OPLAH: variants seen among roughly 807,000 people sequenced by gnomAD.
OPLAH encodes the protein 5-oxoprolinase.
In OPLAH, 103 loss-of-function variants were observed where a neutral mutation model predicts 122.8. The ratio of observed to expected loss-of-function variants is 0.84; its 90% confidence interval spans 0.71 to 0.99. The LOEUF (loss-of-function observed/expected upper bound fraction) is 0.99. Among genes scored for constraint, OPLAH ranks in the 50% least tolerant of loss-of-function variants. The probability of loss-of-function intolerance (pLI) is 0.00; values close to 1 mark genes in which losing one functional copy is unlikely to be tolerated. For missense variants in OPLAH, 1,902 were observed against 1,836.5 expected (o/e 1.04, Z -0.65); for synonymous variants, 875 against 796.0 (o/e 1.10, Z -1.67).
At chr8:144,062,923 C>G (rs1835687116), upstream of OPLAH, among the ~76,000 whole-genome samples, 1 of 151,788 alleles carries the variant, frequency 6.6e-6, no homozygotes, top group African/African-American at 2.4e-5. Flanking sequence ...CTCTCCTGAC[C>G]CCACTCCACT....
At position 144,056,765 on chromosome 8, in the gene OPLAH, G is replaced by C; in HGVS notation, c.1707-10C>G. The C allele has an allele frequency of 1.3e-6, 2 of 1,597,544 alleles. No individual in the cohort carries two copies. Among genetic ancestry groups the C allele is most frequent in the Non-Finnish European group, 1.7e-6 (2 of 1,170,842 alleles). On this transcript the variant is annotated splice_polypyrimidine_tract_variant and intron_variant, in intron 12 of 26. Transcript: ENST00000618853. ...AGTGCTGATCTGGGACCTGCAGCAGGTGGTTGGGGGCACTCACACCAAACC... is the reference window on the plus strand; with the variant it reads ...AGTGCTGATCTGGGACCTGCAGCAGCTGGTTGGGGGCACTCACACCAAACC...
At position 144,054,655 on chromosome 8, in the gene OPLAH, T is replaced by C. The variant is rs1391240581; in HGVS notation, c.2592A>G (p.Pro864=). ...TGGTGGAGTGGGGGGGCATGGAGCC[T>C]GGTGTGATGCCCCCGATGTCTGCGT... ...GHHADIGGIT[P]GSMPPHSTML... is the part of the protein sequence containing the mutation. Residue 864 remains proline (P), a synonymous_variant, in exon 19 of 27, where the codon CCA becomes CCG. Transcript: ENST00000618853. The C allele has an allele frequency of 6.2e-7, 1 of 1,612,338 alleles. No homozygotes were observed. The highest frequency in any genetic ancestry group is 8.5e-7 in the Non-Finnish European group (1 of 1,179,644).
rs782765046 is a variant in OPLAH, at chr8:144,051,290, A to C, written c.*36T>G. ...CTAGGCGCCGTAGCTGCGTCCCCAG[A>C]ACCGGGAGACTTAAGGCATCTTTAT... is the stretch of plus-strand genomic sequence containing the variant. On this transcript the variant is annotated 3_prime_UTR_variant, in exon 27 of 27. Coordinates refer to ENST00000618853, the MANE Select transcript of OPLAH (RefSeq NM_017570.5). The C allele has an allele frequency of 7.5e-6, 12 of 1,608,430 alleles. No individual in the cohort carries two copies. The highest frequency in any genetic ancestry group is 1.0e-5 in the Non-Finnish European group (12 of 1,178,206).
chr8:144,058,857 T>C lies in OPLAH; in HGVS notation c.503A>G (p.Asp168Gly), dbSNP rs1835597991. The part of the protein sequence containing the change: ...GDLLEVQQPV[D>G]LGALRGKLEG... ...CAGCTTCCCACGCAGGGCCCCCAGG[T>C]CCACAGGCTGCTGCACTTCCAGCAG... is the stretch of plus-strand genomic sequence containing the variant. The change falls in exon 5 of 27, where the codon GAC becomes GGC. Residue 168 changes from aspartate to glycine, a missense_variant. Physicochemically the swap from Asp to Gly is moderately conservative, Grantham distance 94. Coordinates refer to ENST00000618853, the MANE Select transcript of OPLAH (RefSeq NM_017570.5). The C allele has an allele frequency of 1.3e-6, 2 of 1,569,248 alleles. No homozygotes were observed. Among genetic ancestry groups the C allele is most frequent in the South Asian group, 1.2e-5 (1 of 85,882 alleles).
rs782049008 is a variant in OPLAH, at chr8:144,058,235, A to ATACC, written c.949_949+3dup. 2.9e-5 allele frequency: 47 copies of ATACC among 1,606,302 alleles called. No homozygotes were observed. The highest frequency in any genetic ancestry group is 2.2e-5 in the Non-Finnish European group (26 of 1,175,496). On this transcript the variant is annotated splice_donor_region_variant and intron_variant, in intron 7 of 26. Transcript: ENST00000618853. ...CCCGAGACCCCAGCCCTCGGCCCTC[A>ATACC]TACCTCCCATGTCAAAGCCGATGAC...
In OPLAH at chr8:144,052,886, A is replaced by G; in HGVS notation, c.3033T>C (p.Phe1011=). ...CCTCCGGCCCAGTGCCGCTGAAGTC[A>G]AACACGGCGCTGCCCTGCGCGCCCC... The part of the protein sequence containing the change: ...QISLSQGSAV[F]DFSGTGPEVF... Residue 1011 remains phenylalanine, a synonymous_variant, in exon 22 of 27, where the codon TTT becomes TTC. Coordinates refer to ENST00000618853, the MANE Select transcript of OPLAH (RefSeq NM_017570.5). 1 of 1,556,292 alleles carries G rather than the reference A, an allele frequency of 6.4e-7. No individual in the cohort carries two copies. Among genetic ancestry groups the G allele is most frequent in the Middle Eastern group, 1.7e-4 (1 of 5,998 alleles).
downstream of OPLAH, chr8:144,050,593 G>C (rs942915427): frequency 8.3e-5 from 82 of 985,692 alleles, no homozygotes; most frequent in African/African-American, 1.3e-3. Flanking sequence ...GATCCCTGCC[G>C]GCTGGGCACG....
In OPLAH at chr8:144,058,550, G is replaced by A. The variant is rs782771861; in HGVS notation, c.729C>T (p.Pro243=). The A allele has an allele frequency of 2.0e-5, 32 of 1,599,674 alleles. No homozygotes were observed. Among genetic ancestry groups the A allele is most frequent in the Middle Eastern group, 1.6e-4 (1 of 6,064 alleles). The part of the protein sequence containing the change: ...HTACADAYLT[P]AIQRYVQGFC... ...AGCCCTGCACGTAGCGCTGGATGGCGGGCGTGAGGTAGGCGTCGGCACAGG... is the reference window on the plus strand; with the variant it reads ...AGCCCTGCACGTAGCGCTGGATGGCAGGCGTGAGGTAGGCGTCGGCACAGG... The change falls in exon 6 of 27, where the codon CCC becomes CCT. Residue 243 remains proline (P), a synonymous_variant. Coordinates refer to ENST00000618853, the MANE Select transcript of OPLAH (RefSeq NM_017570.5).
At position 144,056,544 on chromosome 8, in the gene OPLAH, C is replaced by A. The variant is rs368637328; in HGVS notation, c.1845-21G>T. Reference sequence around the variant, plus strand: ...TGTACCTGCACTCCCCGCGGGGACCCAAGGAGTGGTCAGAGTGAGGCGGCC... The same window carrying A: ...TGTACCTGCACTCCCCGCGGGGACCAAAGGAGTGGTCAGAGTGAGGCGGCC... On this transcript the variant is annotated intron_variant, in intron 13 of 26. Transcript: ENST00000618853. 14 of 1,612,084 alleles carry A rather than the reference C, an allele frequency of 8.7e-6. No individual in the cohort carries two copies. In the African/African-American group the frequency reaches 1.5e-4, roughly 17 times the overall value.
downstream of OPLAH, chr8:144,051,187 G>C (rs1306303225): frequency 6.2e-6 from 9 of 1,445,186 alleles, no homozygotes; most frequent in Non-Finnish European, 7.3e-6. Context: ...CTGCAGCTCC[G>C]AGTCTCAGTG....
At chr8:144,056,846 C>A in intron 12 of OPLAH, 91 bp from the exon 13 acceptor site, 1 of 1,517,164 alleles carries the variant, frequency 6.6e-7, no homozygotes, top group Non-Finnish European at 8.9e-7. Context: ...TTCTGCTTCT[C>A]GCACACCCCG....
chr8:144,059,250 C>A (rs1470292686), intron 3 of OPLAH, among the ~76,000 whole-genome samples, 171 bp from the exon 4 acceptor site: 1 of 152,182 alleles, frequency 6.6e-6, no homozygotes, highest in Non-Finnish European at 1.5e-5. Context: ...AGCTCTCCAC[C>A]CCCTAGGCAG....
chr8:144,052,665 CCG>C, intron 22 of OPLAH, 67 bp from the exon 23 acceptor site: 1 of 1,532,800 alleles, frequency 6.5e-7, no homozygotes, highest in Non-Finnish European at 8.8e-7. Context: ...ACCCCACCCC[CCG>C]CCCCAGCACC....
Position 144,051,336 on chromosome 8 carries a change from T to C in OPLAH, c.3857A>G (p.Glu1286Gly). ...GSVYEYRRAQ[E>G]AV ...TTTATTGCGGGATCCTCACACGGCC[T>C]CCTGGGCCCGGCGATACTCATAGAC... The change falls in exon 27 of 27, where the codon GAG becomes GGG. Residue 1286 changes from glutamate to glycine, a missense_variant. Glu to Gly is a moderately conservative substitution (Grantham distance 98). Coordinates refer to ENST00000618853, the MANE Select transcript of OPLAH (RefSeq NM_017570.5). 1 of 1,611,654 alleles carries C rather than the reference T, an allele frequency of 6.2e-7. No homozygotes were observed. The highest frequency in any genetic ancestry group is 1.1e-5 in the South Asian group (1 of 91,066).
In OPLAH at chr8:144,058,908, G is replaced by A. The variant is rs1554760219; in HGVS notation, c.464-12C>T. 1 of 1,549,004 alleles carries A rather than the reference G, an allele frequency of 6.5e-7. No individual in the cohort carries two copies. The highest frequency in any genetic ancestry group is 1.2e-5 in the South Asian group (1 of 84,232). ...GTCCCCCGTGCGGCCTTCCAGAAAA[G>A]CCCAGGAGGCCCCGTTAAAGGCCAG... On this transcript the variant is annotated splice_polypyrimidine_tract_variant and intron_variant, in intron 4 of 26. Coordinates refer to ENST00000618853, the MANE Select transcript of OPLAH (RefSeq NM_017570.5).
chr8:144,063,791 C>T (rs898879600), upstream of OPLAH: 37 of 152,592 alleles, frequency 2.4e-4, no homozygotes, highest in African/African-American at 8.9e-4. The surrounding 1 kb of genome is among the most constrained non-coding windows in gnomAD (Gnocchi z 4.2). Context: ...TGCAGAAGCC[C>T]AGGCTGCTGC....
upstream of OPLAH, among the ~76,000 whole-genome samples, chr8:144,061,535 A>C (rs1438498923): frequency 5.3e-5 from 8 of 150,418 alleles, no homozygotes; most frequent in Non-Finnish European, 8.9e-5. Flanking sequence ...AAAAAAAAAA[A>C]CCCTGTATCT....
chr8:144,053,544 G>T (rs1835440787), intron 19 of OPLAH, among the ~76,000 whole-genome samples, 151 bp from the exon 20 acceptor site: 1 of 152,026 alleles, frequency 6.6e-6, no homozygotes, highest in Non-Finnish European at 1.5e-5. Context: ...CCCTCTCCTT[G>T]AGCCTGGCTC....
In OPLAH at chr8:144,056,621, T is replaced by C; in HGVS notation, c.1841A>G (p.Glu614Gly). 6.2e-7 allele frequency: 1 copy of C among 1,612,198 alleles called. No homozygotes were observed. The highest frequency in any genetic ancestry group is 8.5e-7 in the Non-Finnish European group (1 of 1,179,766). Reference sequence around the variant, plus strand: ...CCGGAGTCAGGAAGCCACGTACCGCTCCACAAAGGCTGCCCCGAAGTCCCC... The same window carrying C: ...CCGGAGTCAGGAAGCCACGTACCGCCCCACAAAGGCTGCCCCGAAGTCCCC... ...RAGDFGAAFVERYMREFGFVI... is the reference protein window; with the variant it reads ...RAGDFGAAFVGRYMREFGFVI... The change falls in exon 13 of 27, where the codon GAG (glutamate) becomes GGG (glycine). Residue 614 changes from glutamate (E) to glycine (G), a missense_variant. Glu to Gly is a moderately conservative substitution (Grantham distance 98). This residue lies in a region of OPLAH where 1,726 missense variants were observed against 1,642.1 expected (regional missense o/e 1.05). Coordinates refer to ENST00000618853, the MANE Select transcript of OPLAH (RefSeq NM_017570.5).
Sources: allele counts gnomAD v4.1 joint callset (sites outside exome capture counted in the v4.1 genomes callset), GRCh38; gene constraint gnomAD v4.1.1; regional missense constraint gnomAD v4.1.1; non-coding constraint Gnocchi (gnomAD v3.1); transcripts MANE v1.5; gene names NCBI Gene and HGNC (gene_info 2026-07-23, HGNC 2026-07-21).